Variants in MPP2 observed in about 807,000 individuals in gnomAD.
The protein encoded by MPP2 is MAGUK p55 scaffold protein 2.
A neutral mutation model predicts 58.5 loss-of-function variants in MPP2; 42 were observed. The observed-to-expected ratio is 0.72, with a 90% CI of 0.56 to 0.93. MPP2 has a LOEUF of 0.93. MPP2 is among the 40% of genes least tolerant of loss of function. The pLI is 0.00. For synonymous variants in MPP2, 300 were observed against 307.8 expected, an observed-to-expected ratio of 0.97 and a Z score of 0.26; for missense variants, 632 against 760.4, an observed-to-expected ratio of 0.83 and a Z score of 1.99.
In MPP2 at chr17:43,879,859, G is replaced by A; in HGVS notation, c.1276C>T (p.Leu426=). The A allele has an allele frequency of 1.2e-6, 2 of 1,614,014 alleles. No individual in the cohort carries two copies. The highest frequency in any genetic ancestry group is 1.7e-6 in the Non-Finnish European group (2 of 1,179,994). ...YLEHGEYEGN[L]YGTRIDSIRG... ...ATGGAGTCAATACGTGTGCCATACAGGTTGCCCTCGTATTCGCCATGCTCC... is the reference window on the plus strand; with the variant it reads ...ATGGAGTCAATACGTGTGCCATACAAGTTGCCCTCGTATTCGCCATGCTCC... Residue 426 remains leucine (L), a synonymous_variant, in exon 11 of 13, where the codon CTG becomes TTG. Coordinates refer to ENST00000269095, the MANE Select transcript of MPP2 (RefSeq NM_005374.5). The surrounding 1 kb of genome is among the most constrained non-coding windows in gnomAD (Gnocchi z 4.1).
In MPP2 at chr17:43,907,510, A is replaced by T. The variant is rs1300412079; in HGVS notation, c.-70T>A. On this transcript the variant is annotated 5_prime_UTR_variant, in exon 1 of 13. Coordinates refer to ENST00000269095, the MANE Select transcript of MPP2 (RefSeq NM_005374.5). ...GAAGCCCCTAGCTCCGGGCGGCTCC[A>T]GCGCAGCCGGGCGCTCAGCGTTTAT... 6.1e-6 allele frequency: 6 copies of T among 985,544 alleles called. No individual in the cohort carries two copies. The highest frequency in any genetic ancestry group is 4.7e-5 in the South Asian group (1 of 21,294). 61.0% of individuals were successfully genotyped at this position (985,544 alleles called of 1,614,324 possible).
chr17:43,898,215 C>T, intron 3 of MPP2, 47 bp downstream of exon 3: 1 of 1,437,538 alleles, frequency 7.0e-7, no homozygotes, highest in Non-Finnish European at 9.8e-7. Flanking sequence ...CCTACTGTGC[C>T]TCCCCAAGCA....
Position 43,879,141 on chromosome 17 carries a change from G to A in MPP2, c.1482+134C>T, listed in dbSNP as rs989291191. On this transcript the variant is annotated intron_variant, in intron 12 of 12. Transcript: ENST00000269095. This position sits in a 1 kb window ranked among gnomAD's most constrained non-coding sequence, Gnocchi z 4.1. ...TCCACATCTATGCAGGGGGGACCACGTCCTGCCTCACTGATAACTGGAGCA... is the reference window on the plus strand; with the variant it reads ...TCCACATCTATGCAGGGGGGACCACATCCTGCCTCACTGATAACTGGAGCA... 7 of 1,139,458 alleles carry A rather than the reference G, an allele frequency of 6.1e-6. No individual in the cohort carries two copies. Among genetic ancestry groups the A allele is most frequent in the Middle Eastern group, 3.0e-4 (1 of 3,280 alleles). 70.6% of individuals were successfully genotyped at this position (1,139,458 alleles called of 1,614,324 possible).
In MPP2 at chr17:43,904,475, G is replaced by C. The variant is rs146406851; in HGVS notation, c.-15C>G. The C allele has an allele frequency of 6.2e-7, 1 of 1,614,002 alleles. No individual in the cohort carries two copies. Among genetic ancestry groups the C allele is most frequent in the Non-Finnish European group, 8.5e-7 (1 of 1,179,900 alleles). On this transcript the variant is annotated 5_prime_UTR_variant, in exon 2 of 13. Coordinates refer to ENST00000269095, the MANE Select transcript of MPP2 (RefSeq NM_005374.5). The stretch of plus-strand genomic sequence containing the variant: ...GCAACCGGCATGGTGAAGGAGGCAA[G>C]GGCTCTGAAACGTCTCTCCTGGAGA...
intron 12 of MPP2, among the ~76,000 whole-genome samples, chr17:43,878,663 C>CA (rs2046956705): frequency 6.6e-6 from 1 of 152,214 alleles, no homozygotes; most frequent in Non-Finnish European, 1.5e-5. Flanking sequence ...TCCTGGGCCC[C>CA]AGGCACGCTC....
chr17:43,886,724 C>T lies in MPP2; in HGVS notation c.151-3369G>A, dbSNP rs184637369. Among the ~76,000 whole-genome samples the T allele has an allele frequency of 4.6e-5, 7 of 152,264 alleles. No homozygotes were observed. In the East Asian group the frequency reaches 1.4e-3, roughly 29 times the overall value. ...TGAGGGATTTTCTTGAAGCTCACCA[C>T]CAGAGTGTTGATCAAACATTTGCAT... On this transcript the variant is annotated intron_variant, in intron 3 of 12. Transcript: ENST00000269095.
chr17:43,879,787 G>A lies in MPP2; in HGVS notation c.1348C>T (p.Pro450Ser), dbSNP rs1488839651. Residue 450 changes from proline to serine, a missense_variant, in exon 11 of 13, where the codon CCC becomes TCC. Coordinates refer to ENST00000269095, the MANE Select transcript of MPP2 (RefSeq NM_005374.5). This position sits in a 1 kb window ranked among gnomAD's most constrained non-coding sequence, Gnocchi z 4.1. ...AAGGAGCAGAGTGGCGGTACCTGGG[G>A]GTTGACATCCAGCACGCACACCTTC... ...AGKVCVLDVN[P>S]QAVKVLRTAE... 1 of 1,613,494 alleles carries A rather than the reference G, an allele frequency of 6.2e-7. No homozygotes were observed. The highest frequency in any genetic ancestry group is 1.1e-5 in the South Asian group (1 of 91,064).
In MPP2 at chr17:43,880,486, C is replaced by G. The variant is rs1597754189; in HGVS notation, c.1150+205G>C. Reference sequence around the variant, plus strand: ...GTGGACGCCAGCCCAGCCCGCTAGGCCACCTGTTGGCTGGACACCTCCCTC... The same window carrying G: ...GTGGACGCCAGCCCAGCCCGCTAGGGCACCTGTTGGCTGGACACCTCCCTC... On this transcript the variant is annotated intron_variant, in intron 10 of 12. Coordinates refer to ENST00000269095, the MANE Select transcript of MPP2 (RefSeq NM_005374.5). The surrounding 1 kb of genome is among the most constrained non-coding windows in gnomAD (Gnocchi z 5.2). 6.6e-6 allele frequency among the ~76,000 whole-genome samples: 1 copy of G among 152,238 alleles called. No homozygotes were observed.
intron 2 of MPP2, chr17:43,900,326 G>T (rs1256365452): frequency 3.7e-6 from 3 of 811,062 alleles, no homozygotes; most frequent in Non-Finnish European, 3.7e-6. Flanking sequence ...CAAGGGAGTT[G>T]GTGCCCTCTG....
Position 43,898,348 on chromosome 17 carries a change from G to A in MPP2, c.64C>T (p.Leu22Phe), listed in dbSNP as rs751346028. The A allele has an allele frequency of 1.9e-6, 3 of 1,614,010 alleles. No homozygotes were observed. Among genetic ancestry groups the A allele is most frequent in the Admixed American group, 1.7e-5 (1 of 60,000 alleles). ...TCTGCAGCCCCCGTGGCACTGGGGA[G>A]GGATCCCAAGTTGTCCAGGACTTGC... ...MQQVLDNLGS[L>F]PSATGAAELD... Residue 22 changes from leucine to phenylalanine, a missense_variant, in exon 3 of 13, where the codon CTC (leucine) becomes TTC (phenylalanine). Coordinates refer to ENST00000269095, the MANE Select transcript of MPP2 (RefSeq NM_005374.5).
chr17:43,882,234 G>A, intron 6 of MPP2, 50 bp downstream of exon 6: 1 of 1,524,176 alleles, frequency 6.6e-7, no homozygotes. Context: ...AACCTTGACA[G>A]CCAGGAGGCT....
At chr17:43,882,203 G>A (rs942089539) in intron 6 of MPP2, 81 bp downstream of exon 6, 3 of 1,312,804 alleles carry the variant, frequency 2.3e-6, no homozygotes, top group African/African-American at 1.4e-5. Flanking sequence ...AGTAGGAGAG[G>A]AGGGCCTCCG....
At position 43,875,535 on chromosome 17, in the gene MPP2, T is replaced by A. The variant is rs906917646; in HGVS notation, c.*2272A>T. 2.0e-5 allele frequency: 3 copies of A among 152,274 alleles called. No homozygotes were observed. The highest frequency in any genetic ancestry group is 2.0e-4 in the Admixed American group (3 of 15,296). 9.4% of individuals were successfully genotyped at this position (152,274 alleles called of 1,614,324 possible). A position where few individuals can be genotyped will look rare whatever the true frequency, so the allele number is the denominator to read the frequency against. On this transcript the variant is annotated 3_prime_UTR_variant, in exon 13 of 13. Transcript: ENST00000269095. The stretch of plus-strand genomic sequence containing the variant: ...GTCCCTCAAATACAAGAGTCCACAA[T>A]GGCAGGGAGGGAGAACAGAGTCATA...
chr17:43,878,079 A>T, intron 12 of MPP2, 96 bp from the exon 13 acceptor site: 1 of 1,347,454 alleles, frequency 7.4e-7, no homozygotes, highest in Non-Finnish European at 1.0e-6. Context: ...CCCTCCCCAA[A>T]GCCCAACCCT....
chr17:43,907,466 A>C lies in MPP2; in HGVS notation c.-34+8T>G, dbSNP rs916301672. The C allele has an allele frequency of 4.5e-5, 44 of 985,332 alleles. No homozygotes were observed. Among genetic ancestry groups the C allele is most frequent in the Non-Finnish European group, 5.3e-5 (44 of 829,978 alleles). The allele number at this position is 985,332 out of a possible 1,614,324, so 61.0% of individuals were successfully genotyped here. A position where few individuals can be genotyped will look rare whatever the true frequency, so the allele number is the denominator to read the frequency against. ...TAGGAGCTGGCCCGGGGGCCGGGGG[A>C]CGCCTACCTGCGCCCCGGGAAGCCC... On this transcript the variant is annotated splice_region_variant and intron_variant, in intron 1 of 12. Coordinates refer to ENST00000269095, the MANE Select transcript of MPP2 (RefSeq NM_005374.5).
chr17:43,889,721 A>C (rs1397594837), intron 3 of MPP2, among the ~76,000 whole-genome samples: 3 of 151,740 alleles, frequency 2.0e-5, no homozygotes, highest in Non-Finnish European at 4.4e-5. Flanking sequence ...AAAGAGTTGT[A>C]ATGTGTCTGT....
chr17:43,901,554 C>T (rs887664096), intron 2 of MPP2: 26 of 985,356 alleles, frequency 2.6e-5, no homozygotes, highest in African/African-American at 3.5e-5. Context: ...TGAGGAGTGG[C>T]ACCAGGTCGC....
chr17:43,894,397 CAG>C lies in MPP2; in HGVS notation c.150+3863_150+3864del, dbSNP rs1355578135. Among the ~76,000 whole-genome samples, 57 of 127,054 alleles carry C rather than the reference CAG, an allele frequency of 4.5e-4. No homozygotes were observed. In the Admixed American group the frequency reaches 4.9e-3, roughly 11 times the overall value. The allele number at this position is 127,054 out of a possible 152,430, so 83.4% of individuals were successfully genotyped here. On this transcript the variant is annotated intron_variant, in intron 3 of 12. Coordinates refer to ENST00000269095, the MANE Select transcript of MPP2 (RefSeq NM_005374.5). ...GTGCCACTGCACTCCAGCCCAGTGA[CAG>C]AGTGAGATTCCATCTCAAAATATAT...
intron 1 of MPP2, chr17:43,906,051 C>CTGGG: frequency 1.1e-6 from 1 of 946,152 alleles, no homozygotes; most frequent in Non-Finnish European, 1.3e-6. Flanking sequence ...GGAGGGATCC[C>CTGGG]TTCCCTCCCC....
Sources: gnomAD v4.1 joint callset for allele counts (sites outside exome capture counted in the v4.1 genomes callset) on GRCh38, gnomAD v4.1.1 for gene constraint, Gnocchi (gnomAD v3.1) non-coding constraint, MANE v1.5 for transcripts, NCBI Gene and HGNC (gene_info 2026-07-23, HGNC 2026-07-21) for gene names.